AP4S1: variants seen among roughly 807,000 people sequenced by gnomAD.
AP4S1 encodes the protein adaptor related protein complex 4 subunit sigma 1, also known as AP-4 complex subunit sigma-1.
A neutral mutation model predicts 19.8 loss-of-function variants in AP4S1; 23 were observed. The observed-to-expected ratio is 1.16, with a 90% confidence interval of 0.84 to 1.65. AP4S1 has a LOEUF of 1.65. Ranked by LOEUF, AP4S1 falls within the 40% of genes most tolerant of loss-of-function variation. AP4S1 has a pLI of 0.00. For synonymous variants in AP4S1, 46 were observed against 54.1 expected, an observed-to-expected ratio of 0.85 and a Z score of 0.66; for missense variants, 166 against 172.8, an observed-to-expected ratio of 0.96 and a Z score of 0.22.
At chr14:31,056,311 A>T (rs1594664563) in intron 1 of AP4S1, among the ~76,000 whole-genome samples, 1 of 151,584 alleles carries the variant, frequency 6.6e-6, no homozygotes, top group East Asian at 1.9e-4. Context: ...AGTAGCTAAT[A>T]CTATGGATGC....
In AP4S1 at chr14:31,072,974, G is replaced by A; in HGVS notation, c.294+1G>A. Reference sequence around the variant, plus strand: ...TTTAGATGAGTATTTCAGCCGAGTGGTAAGTCTAATGGCTAAAAAATGGTT... The same window carrying A: ...TTTAGATGAGTATTTCAGCCGAGTGATAAGTCTAATGGCTAAAAAATGGTT... On this transcript the variant is annotated splice_donor_variant, in intron 4 of 5. Transcript: ENST00000542754. LOFTEE classifies it high-confidence loss of function. The A allele has an allele frequency of 1.9e-6, 3 of 1,613,308 alleles. No homozygotes were observed. The highest frequency in any genetic ancestry group is 1.7e-6 in the Non-Finnish European group (2 of 1,179,308).
chr14:31,025,885 A>G, intron 1 of AP4S1, 98 bp downstream of exon 1: 1 of 1,592,910 alleles, frequency 6.3e-7, no homozygotes, highest in East Asian at 2.3e-5. Flanking sequence ...GCTCCCGCAC[A>G]CCGACCCCAA....
chr14:31,088,679 G>A (rs1430938062), intron 5 of AP4S1, among the ~76,000 whole-genome samples: 4 of 151,912 alleles, frequency 2.6e-5, no homozygotes, highest in South Asian at 2.1e-4. Context: ...GTGGTGGCAC[G>A]CACCAGTAAT....
chr14:31,070,157 G>C (rs1416497921), intron 3 of AP4S1, among the ~76,000 whole-genome samples: 1 of 152,086 alleles, frequency 6.6e-6, no homozygotes, highest in Non-Finnish European at 1.5e-5. Context: ...ACCACACCCG[G>C]CTAATTTTTT....
intron 1 of AP4S1, among the ~76,000 whole-genome samples, chr14:31,057,635 TA>T (rs1383555156): frequency 6.6e-6 from 1 of 152,298 alleles, no homozygotes; most frequent in African/African-American, 2.4e-5. Context: ...TTTATTTATT[TA>T]TTTTTTGGAG....
At chr14:31,080,708 G>T in intron 5 of AP4S1, 124 bp downstream of exon 5, 1 of 1,373,196 alleles carries the variant, frequency 7.3e-7, no homozygotes, top group South Asian at 1.2e-5. Flanking sequence ...CAACAACTAT[G>T]ACAAGACAGC....
chr14:31,044,891 G>T (rs1156999671), intron 1 of AP4S1, among the ~76,000 whole-genome samples: 1 of 151,700 alleles, frequency 6.6e-6, no homozygotes, highest in Non-Finnish European at 1.5e-5. Flanking sequence ...TATTTTAAAA[G>T]ATACGTTTTC....
At chr14:31,063,470 C>T (rs1006550384) in intron 1 of AP4S1, among the ~76,000 whole-genome samples, 6 of 151,914 alleles carry the variant, frequency 3.9e-5, no homozygotes, top group African/African-American at 1.5e-4. Context: ...ATTAGCTGGG[C>T]ATAGTGACAT....
At chr14:31,060,912 C>CA (rs1886401097) in intron 1 of AP4S1, among the ~76,000 whole-genome samples, 1 of 151,324 alleles carries the variant, frequency 6.6e-6, no homozygotes, top group Admixed American at 6.6e-5. Context: ...CTTTTTGAGA[C>CA]AGAGTCTTGC....
intron 1 of AP4S1, among the ~76,000 whole-genome samples, chr14:31,051,682 A>G (rs2139500681): frequency 6.6e-6 from 1 of 152,234 alleles, no homozygotes; most frequent in Admixed American, 6.5e-5. Context: ...TATTTATGAG[A>G]CAGAGTCTTG....
chr14:31,074,672 CAAAT>C (rs1022938768), intron 4 of AP4S1, among the ~76,000 whole-genome samples: 21 of 152,054 alleles, frequency 1.4e-4, no homozygotes, highest in African/African-American at 2.4e-4. Context: ...GACTCCGTCT[CAAAT>C]AAATAAATAA....
intron 1 of AP4S1, among the ~76,000 whole-genome samples, chr14:31,045,085 A>G (rs1244049022): frequency 6.6e-6 from 1 of 151,974 alleles, no homozygotes; most frequent in Non-Finnish European, 1.5e-5. Context: ...TATTTTTAGT[A>G]GAGACGGGGT....
intron 5 of AP4S1, chr14:31,085,448 T>A: frequency 1.0e-6 from 1 of 986,188 alleles, no homozygotes; most frequent in East Asian, 1.1e-4. Context: ...CCCACAAATA[T>A]AGGCTAGAAT....
chr14:31,092,328 C>T (rs370375976), intron 5 of AP4S1, among the ~76,000 whole-genome samples: 127 of 152,196 alleles, frequency 8.3e-4, no homozygotes, highest in African/African-American at 2.8e-3. Context: ...GGTGTCTAGC[C>T]CCTCCTGAGG....
In AP4S1 at chr14:31,035,193, C is replaced by CTTT. The variant is rs11393950; in HGVS notation, c.-72+9424_-72+9426dup. On this transcript the variant is annotated intron_variant, in intron 1 of 5. Coordinates refer to ENST00000542754, the MANE Select transcript of AP4S1 (RefSeq NM_001128126.3). ...ACACCTACAAAATTAATGGTAATTCCTTTTTTTTTTTTTTTTTTTTGAGAT... is the reference window on the plus strand; with the variant it reads ...ACACCTACAAAATTAATGGTAATTCCTTTTTTTTTTTTTTTTTTTTTTTGAGAT... 8.8e-3 allele frequency among the ~76,000 whole-genome samples: 915 copies of CTTT among 103,646 alleles called. 65 individuals carry two copies. Among genetic ancestry groups the CTTT allele is most frequent in the African/African-American group, 0.028 (734 of 26,290 alleles). 68.0% of individuals were successfully genotyped at this position (103,646 alleles called of 152,430 possible).
At chr14:31,054,645 C>T (rs920877702) in intron 1 of AP4S1, among the ~76,000 whole-genome samples, 39 of 151,886 alleles carry the variant, frequency 2.6e-4, no homozygotes, top group African/African-American at 9.2e-4. Flanking sequence ...GCCAAGATTG[C>T]GCCACTGCAC....
At position 31,029,849 on chromosome 14, in the gene AP4S1, C is replaced by CA. The variant is rs926669591; in HGVS notation, c.-72+4074dup. ...TAAGACAAACAAAACCCTTCCCCCA[C>CA]AAAAAAAAAAAAGAAAATACTCAGC... On this transcript the variant is annotated intron_variant, in intron 1 of 5. Transcript: ENST00000542754. 6.4e-3 allele frequency among the ~76,000 whole-genome samples: 886 copies of CA among 138,058 alleles called. 6 individuals are homozygous for CA. Among genetic ancestry groups the CA allele is most frequent in the East Asian group, 0.034 (164 of 4,840 alleles). 90.6% of individuals were successfully genotyped at this position (138,058 alleles called of 152,430 possible).
intron 1 of AP4S1, among the ~76,000 whole-genome samples, chr14:31,053,778 A>G (rs1305709067): frequency 6.6e-6 from 1 of 151,604 alleles, no homozygotes; most frequent in Non-Finnish European, 1.5e-5. Flanking sequence ...TGTGAGTGGA[A>G]TGGGTTCATT....
chr14:31,072,516 A>G (rs557758496), intron 3 of AP4S1, among the ~76,000 whole-genome samples: 1 of 152,248 alleles, frequency 6.6e-6, no homozygotes, highest in East Asian at 1.9e-4. Flanking sequence ...GACTACAGGC[A>G]TGCACCACCA....
Sources: gnomAD v4.1 joint callset for allele counts (sites outside exome capture counted in the v4.1 genomes callset) on GRCh38, gnomAD v4.1.1 for gene constraint, MANE v1.5 for transcripts, NCBI Gene and HGNC (gene_info 2026-07-23, HGNC 2026-07-21) for gene names.